CPQ: variants seen among roughly 807,000 people sequenced by gnomAD.
CPQ encodes Ser-Met dipeptidase.
In CPQ, 37 loss-of-function variants were observed where a neutral mutation model predicts 45.7. That is an observed-to-expected ratio of 0.81 (90% CI 0.62 to 1.07). The LOEUF (loss-of-function observed/expected upper bound fraction) is 1.07. Ranked by LOEUF, CPQ falls within the 50% of genes least tolerant of loss-of-function variation. CPQ has a pLI of 0.00. For synonymous variants in CPQ, 186 were observed against 205.8 expected (o/e 0.90, Z 0.82); for missense variants, 537 against 572.9 (o/e 0.94, Z 0.64).
intron 1 of CPQ, among the ~76,000 whole-genome samples, chr8:96,776,408 A>T (rs1238930056): frequency 1.3e-5 from 2 of 152,204 alleles, no homozygotes; most frequent in Non-Finnish European, 2.9e-5. Context: ...GTAGTATAGA[A>T]GAAAAAGTAA....
At chr8:97,079,678 C>T (rs979794695) in intron 7 of CPQ, among the ~76,000 whole-genome samples, 1 of 152,056 alleles carries the variant, frequency 6.6e-6, no homozygotes, top group African/African-American at 2.4e-5. Context: ...AATAGGAGTT[C>T]AGGCCAAAAG....
At chr8:96,648,960 G>C (rs1040466353) in intron 1 of CPQ, among the ~76,000 whole-genome samples, 1 of 152,176 alleles carries the variant, frequency 6.6e-6, no homozygotes, top group Non-Finnish European at 1.5e-5. Flanking sequence ...TCACAGTCTA[G>C]ATAATCCTTT....
intron 4 of CPQ, among the ~76,000 whole-genome samples, chr8:96,952,003 GGTTC>G (rs1813273670): frequency 6.6e-6 from 1 of 152,020 alleles, no homozygotes; most frequent in African/African-American, 2.4e-5. Context: ...TTTAAGGGTA[GGTTC>G]GTATTATCAT....
At chr8:96,839,449 T>C (rs890798074) in intron 3 of CPQ, among the ~76,000 whole-genome samples, 3 of 152,196 alleles carry the variant, frequency 2.0e-5, no homozygotes, top group Admixed American at 1.3e-4. Context: ...TAGAGCTTTT[T>C]TAGTTTTTCT....
intron 4 of CPQ, among the ~76,000 whole-genome samples, chr8:96,937,340 G>A: frequency 6.6e-6 from 1 of 152,098 alleles, no homozygotes; most frequent in East Asian, 1.9e-4. Context: ...GGGCCAGATG[G>A]GAGGAGCCTG....
rs1161760904 is a variant in CPQ at position 96,785,126 on chromosome 8, A to C, written c.229A>C (p.Arg77=). 5 of 1,613,666 alleles carry C rather than the reference A, an allele frequency of 3.1e-6. No homozygotes were observed. The Admixed American group carries it at 8.3e-5, about 27-fold the overall frequency. Residue 77 remains arginine (R), a synonymous_variant, in exon 2 of 8, where the codon AGA becomes CGA. Transcript: ENST00000220763. ...ACTTCTGGTTGATACTGTTGGACCC[A>C]GACTGAGTGGCTCCAAGAACCTAGA... ...LALLVDTVGP[R]LSGSKNLEKA...
chr8:96,833,274 G>A (rs1331726292), intron 2 of CPQ, among the ~76,000 whole-genome samples: 1 of 152,022 alleles, frequency 6.6e-6, no homozygotes, highest in Non-Finnish European at 1.5e-5. Context: ...TGGCACTTTA[G>A]GACTCCACTC....
intron 1 of CPQ, among the ~76,000 whole-genome samples, chr8:96,764,219 C>A (rs1200609894): frequency 1.3e-5 from 2 of 152,146 alleles, no homozygotes; most frequent in Admixed American, 6.6e-5. Flanking sequence ...TTAGTGAATG[C>A]TACCACATGA....
At chr8:96,958,762 G>T (rs910906313) in intron 4 of CPQ, among the ~76,000 whole-genome samples, 5 of 152,040 alleles carry the variant, frequency 3.3e-5, no homozygotes, top group Non-Finnish European at 7.4e-5. Context: ...AGTCTAATCT[G>T]AGTGTCCTTT....
intron 3 of CPQ, among the ~76,000 whole-genome samples, chr8:96,858,356 G>A (rs1261699377): frequency 6.6e-6 from 1 of 152,094 alleles, no homozygotes; most frequent in African/African-American, 2.4e-5. Context: ...ATCTGTGTTT[G>A]CTTTTATCAG....
At chr8:96,763,216 G>T (rs986281140) in intron 1 of CPQ, among the ~76,000 whole-genome samples, 1 of 152,254 alleles carries the variant, frequency 6.6e-6, no homozygotes, top group Non-Finnish European at 1.5e-5. Context: ...GTCATATTCT[G>T]AGGTACTGGA....
At chr8:97,016,041 T>A (rs1809573912) in intron 5 of CPQ, among the ~76,000 whole-genome samples, 1 of 152,220 alleles carries the variant, frequency 6.6e-6, no homozygotes, top group East Asian at 1.9e-4. Context: ...AAAAAAGATA[T>A]GTTGCTATAT....
At chr8:97,119,463 G>A (rs1420266774) in intron 7 of CPQ, among the ~76,000 whole-genome samples, 2 of 151,658 alleles carry the variant, frequency 1.3e-5, no homozygotes, top group African/African-American at 4.8e-5. Context: ...AAAAATGGTG[G>A]GGGGGAATAC....
At position 97,104,470 on chromosome 8, in the gene CPQ, A is replaced by C. The variant is rs17798737; in HGVS notation, c.1255+38260A>C. Among the ~76,000 whole-genome samples the C allele has an allele frequency of 9.7e-3, 1,483 of 152,294 alleles. 10 individuals carry two copies. The highest frequency in any genetic ancestry group is 0.014 in the Non-Finnish European group (983 of 68,018). ...TAGCCTCTGATGAAGTTTTGAGGTA[A>C]GAGTTGCCTGCTCAACTGGCAACTT... On this transcript the variant is annotated intron_variant, in intron 7 of 7. Coordinates refer to ENST00000220763, the MANE Select transcript of CPQ (RefSeq NM_016134.4).
chr8:97,022,773 T>C (rs558836738), intron 5 of CPQ, among the ~76,000 whole-genome samples: 1 of 152,040 alleles, frequency 6.6e-6, no homozygotes, highest in South Asian at 2.1e-4. Flanking sequence ...ACTTCTGCAC[T>C]GCTGGTGGGA....
intron 1 of CPQ, among the ~76,000 whole-genome samples, chr8:96,686,365 A>G (rs919002570): frequency 6.6e-6 from 1 of 151,980 alleles, no homozygotes; most frequent in Non-Finnish European, 1.5e-5. Context: ...AAGAGAGGAA[A>G]CCCTTTTTTC....
At chr8:96,668,192 T>C (rs1006640325) in intron 1 of CPQ, among the ~76,000 whole-genome samples, 5 of 152,234 alleles carry the variant, frequency 3.3e-5, no homozygotes, top group Admixed American at 2.0e-4. Context: ...CTAGGACATA[T>C]GGGTAACTGC....
chr8:96,968,448 T>G (rs1813606931), intron 5 of CPQ, among the ~76,000 whole-genome samples: 1 of 152,240 alleles, frequency 6.6e-6, no homozygotes, highest in Admixed American at 6.5e-5. Flanking sequence ...GTGTATGAAT[T>G]CTGGATGAAA....
chr8:96,654,435 C>A (rs1815614867), intron 1 of CPQ, among the ~76,000 whole-genome samples: 2 of 152,088 alleles, frequency 1.3e-5, no homozygotes, highest in Admixed American at 6.5e-5. Context: ...TGGGGTAATC[C>A]TTCTAGGCTT....
Sources: allele counts gnomAD v4.1 joint callset (sites outside exome capture counted in the v4.1 genomes callset), GRCh38; gene constraint gnomAD v4.1.1; transcripts MANE v1.5; gene names NCBI Gene and HGNC (gene_info 2026-07-23, HGNC 2026-07-21).